The following AR variants were observed in gnomAD, a reference collection of about 807,000 sequenced individuals.
The protein encoded by AR is androgen receptor, also known as dihydrotestosterone receptor.
Under a neutral mutation model 53.9 loss-of-function variants are expected in AR, and 8 were observed. The observed-to-expected ratio is 0.15, with a 90% CI of 0.09 to 0.27. The LOEUF is 0.27. AR is among the 10% of genes least tolerant of loss of function. AR has a pLI of 1.00. For synonymous variants in AR, 359 were observed against 316.4 expected (o/e 1.13, Z -1.43); for missense variants, 639 against 742.5 (o/e 0.86, Z 1.62).
chrX:67,666,860 T>A (rs184502424), intron 2 of AR, among the ~76,000 whole-genome samples: 57 of 111,784 alleles, frequency 5.1e-4, no homozygotes, highest in Non-Finnish European at 9.1e-4. Flanking sequence ...TATGTTTTAT[T>A]TTGAGAGATG....
chrX:67,721,785 T>C (rs753893613), intron 5 of AR, 48 bp from the exon 6 acceptor site: 1 of 1,207,311 alleles, frequency 8.3e-7, no homozygotes, highest in Admixed American at 2.2e-5. Flanking sequence ...TCTGGGCTTA[T>C]TGTAAACTTC....
chrX:67,663,026 G>A (rs935673384), intron 2 of AR, among the ~76,000 whole-genome samples: 1 of 111,514 alleles, frequency 9.0e-6, no homozygotes, highest in Non-Finnish European at 1.9e-5. Flanking sequence ...GTCTCTGCAT[G>A]TTAGACGGGT....
rs778797301 is a variant in AR at position 67,594,253 on chromosome X, T to C, written c.1616+47491T>C. Among the ~76,000 whole-genome samples, 8 of 111,908 alleles carry C rather than the reference T, an allele frequency of 7.1e-5. No homozygotes were observed. The South Asian group carries it at 1.1e-3, about 16-fold the overall frequency. On this transcript the variant is annotated intron_variant, in intron 1 of 7. Coordinates refer to ENST00000374690, the MANE Select transcript of AR (RefSeq NM_000044.6). ...AAGCAATCCTTCCACCTCAGCCTCC[T>C]AAAGTGCTGTGATTTCAGGCATAAG...
chrX:67,685,515 A>C (rs1400807034), intron 2 of AR, among the ~76,000 whole-genome samples: 1 of 111,653 alleles, frequency 9.0e-6, no homozygotes, highest in Non-Finnish European at 1.9e-5. Flanking sequence ...AATCCCATGG[A>C]GTTATCTTTT....
intron 3 of AR, among the ~76,000 whole-genome samples, chrX:67,703,677 G>A (rs912888926): frequency 8.9e-6 from 1 of 111,744 alleles, no homozygotes. Flanking sequence ...TTAAGTTCTA[G>A]GGTACGTGTG....
chrX:67,675,025 A>T (rs2075891015), intron 2 of AR, among the ~76,000 whole-genome samples: 1 of 110,390 alleles, frequency 9.1e-6, no homozygotes, highest in Admixed American at 9.6e-5. Context: ...TCCTGCCAGT[A>T]CTGATTCCTT....
rs189813752 is a variant in AR, at chrX:67,706,580, G to T, written c.1886-4822G>T. On this transcript the variant is annotated intron_variant, in intron 3 of 7. Transcript: ENST00000374690. ...TTGCCAGCAGTCTATCAATTTTGTT[G>T]ATCTTTTCAAAAAACCAGCTCCTGG... Among the ~76,000 whole-genome samples the T allele has an allele frequency of 8.2e-5, 9 of 110,273 alleles. No homozygotes were observed. In the East Asian group the frequency reaches 2.6e-3, roughly 31 times the overall value.
intron 3 of AR, among the ~76,000 whole-genome samples, chrX:67,701,807 G>T (rs2076043700): frequency 8.9e-6 from 1 of 111,816 alleles, no homozygotes; most frequent in Non-Finnish European, 1.9e-5. Context: ...TTCCTGTTTT[G>T]TCATGCTGAA....
intron 3 of AR, among the ~76,000 whole-genome samples, chrX:67,697,048 G>T (rs1346393540): frequency 8.9e-6 from 1 of 111,741 alleles, no homozygotes; most frequent in African/African-American, 3.3e-5. Context: ...TTGGAAATGG[G>T]TCCTTTTCTT....
intron 1 of AR, among the ~76,000 whole-genome samples, chrX:67,609,364 CA>C: frequency 9.0e-6 from 1 of 111,319 alleles, no homozygotes; most frequent in Middle Eastern, 4.6e-3. Flanking sequence ...GTACTTCTAG[CA>C]GCATATGATT....
Position 67,545,560 on chromosome X carries a change from C to A in AR, c.414C>A (p.Ala138=), listed in dbSNP as rs776441367. ...ERGCVPEPGA[A]VAASKGLPQQ... ...GTTGCGTCCCAGAGCCTGGAGCCGC[C>A]GTGGCCGCCAGCAAGGGGCTGCCGC... is the stretch of plus-strand genomic sequence containing the variant. The change falls in exon 1 of 8, where the codon GCC becomes GCA. Residue 138 remains alanine (A), a synonymous_variant. Transcript: ENST00000374690. 3.4e-6 allele frequency: 4 copies of A among 1,182,447 alleles called. No homozygotes were observed. Among genetic ancestry groups the A allele is most frequent in the Middle Eastern group, 4.8e-4 (2 of 4,181 alleles).
In AR at chrX:67,724,520, C is replaced by G. The variant is rs922054763; in HGVS notation, c.*679C>G. 1 of 172,954 alleles carries G rather than the reference C, an allele frequency of 5.8e-6. No individual in the cohort carries two copies. Among genetic ancestry groups the G allele is most frequent in the African/African-American group, 3.0e-5 (1 of 33,341 alleles). The allele number at this position is 172,954 out of a possible 1,213,427, so 14.3% of individuals were successfully genotyped here. ...CTTTATTTTCTGCCAATGGCTATTG[C>G]CATTAGAGGGCAGAGTGACCCCAGA... is the stretch of plus-strand genomic sequence containing the variant. On this transcript the variant is annotated 3_prime_UTR_variant, in exon 8 of 8. Coordinates refer to ENST00000374690, the MANE Select transcript of AR (RefSeq NM_000044.6).
At chrX:67,713,022 A>ACTT (rs1387961344) in intron 4 of AR, among the ~76,000 whole-genome samples, 1 of 111,727 alleles carries the variant, frequency 9.0e-6, no homozygotes, top group African/African-American at 3.3e-5. Context: ...CAGGACCAGA[A>ACTT]CTTGAGCCCA....
intron 1 of AR, among the ~76,000 whole-genome samples, chrX:67,570,386 G>T (rs894764338): frequency 8.9e-6 from 1 of 112,093 alleles, no homozygotes; most frequent in African/African-American, 3.2e-5. Context: ...CTTGCCAGCT[G>T]CTATGGTACT....
chrX:67,572,914 TGTA>T (rs920165010), intron 1 of AR, among the ~76,000 whole-genome samples: 18 of 111,739 alleles, frequency 1.6e-4, no homozygotes, highest in Non-Finnish European at 9.4e-5. Context: ...ATTGCGTACA[TGTA>T]AAGTGTTCTG....
chrX:67,673,473 T>A (rs1480774214), intron 2 of AR, among the ~76,000 whole-genome samples: 5 of 64,725 alleles, frequency 7.7e-5, no homozygotes, highest in Non-Finnish European at 1.2e-4. Context: ...TGTTTGCTAT[T>A]TTTTTTTTTT....
chrX:67,711,405 G>T lies in AR; in HGVS notation c.1889G>T (p.Arg630Leu), dbSNP rs868669253. ...AGTCTCTCTTCCTTCCCAATAGCCC[G>T]GAAGCTGAAGAAACTTGGTAATCTG... The part of the protein sequence containing the change: ...CYEAGMTLGA[R>L]KLKKLGNLKL... Residue 630 changes from arginine to leucine, a missense_variant, in exon 4 of 8, where the codon CGG (arginine) becomes CTG (leucine). Physicochemically the swap from Arg to Leu is moderately radical, Grantham distance 102 (BLOSUM62 -2). This residue lies in a region of AR where 47 missense variants were observed against 35.9 expected (regional missense o/e 1.31). Coordinates refer to ENST00000374690, the MANE Select transcript of AR (RefSeq NM_000044.6). 8.4e-7 allele frequency: 1 copy of T among 1,188,704 alleles called. No homozygotes were observed. Among genetic ancestry groups the T allele is most frequent in the East Asian group, 3.1e-5 (1 of 32,700 alleles).
intron 1 of AR, among the ~76,000 whole-genome samples, chrX:67,640,211 G>A (rs1454804854): frequency 9.0e-6 from 1 of 110,977 alleles, no homozygotes; most frequent in Non-Finnish European, 1.9e-5. Context: ...CTGCTGGATT[G>A]GGTTTGCCAG....
At chrX:67,566,186 C>T (rs867021251) in intron 1 of AR, among the ~76,000 whole-genome samples, 19 of 111,643 alleles carry the variant, frequency 1.7e-4, no homozygotes, top group African/African-American at 5.2e-4. Flanking sequence ...ATTTCATTTG[C>T]GAATTCACTA....
Sources: gnomAD v4.1 joint callset for allele counts (sites outside exome capture counted in the v4.1 genomes callset) on GRCh38, gnomAD v4.1.1 for gene constraint, gnomAD v4.1.1 regional missense constraint, MANE v1.5 for transcripts, NCBI Gene and HGNC (gene_info 2026-07-23, HGNC 2026-07-21) for gene names.